The following B9D1 variants were observed in gnomAD, a reference collection of about 807,000 sequenced individuals.
B9D1 encodes the protein B9 domain containing 1, also known as B9 domain-containing protein 1.
A neutral mutation model predicts 26.1 loss-of-function variants in B9D1; 20 were observed. The ratio of observed to expected loss-of-function variants is 0.77; its 90% CI spans 0.54 to 1.12. The LOEUF (loss-of-function observed/expected upper bound fraction) is 1.12. B9D1 is among the 50% of genes most tolerant of loss of function. B9D1 has a pLI of 0.00. For missense variants in B9D1, 260 were observed against 273.7 expected, an observed-to-expected ratio of 0.95 and a Z score of 0.35; for synonymous variants, 105 against 103.1, an observed-to-expected ratio of 1.02 and a Z score of -0.11.
intron 1 of B9D1, among the ~76,000 whole-genome samples, chr17:19,374,434 T>A (rs940297743): frequency 6.6e-6 from 1 of 152,258 alleles, no homozygotes; most frequent in Non-Finnish European, 1.5e-5. Flanking sequence ...CATTCTCTCA[T>A]ACCACTGGTG....
chr17:19,363,277 T>C (rs1911368035), upstream of B9D1, among the ~76,000 whole-genome samples: 1 of 152,230 alleles, frequency 6.6e-6, no homozygotes, highest in Non-Finnish European at 1.5e-5. Context: ...GCCATCGCTC[T>C]TTAGTTCGAA....
At chr17:19,357,786 G>A in intron 3 of B9D1, 54 bp downstream of exon 3, 1 of 1,291,084 alleles carries the variant, frequency 7.7e-7, no homozygotes, top group South Asian at 1.2e-5. Flanking sequence ...GCTGTCTTGG[G>A]GGTGCTGTGT....
chr17:19,359,999 C>T lies in B9D1; in HGVS notation c.132+321G>A, dbSNP rs1171979124. Among the ~76,000 whole-genome samples the T allele has an allele frequency of 1.3e-5, 2 of 152,146 alleles. No individual in the cohort carries two copies. Among genetic ancestry groups the T allele is most frequent in the African/African-American group, 2.4e-5 (1 of 41,420 alleles). ...GGCTGAGGAGAGGCCAAATGGTGAGCGGACTGGCCAGAGTGTCCACAGCTC... is the reference window on the plus strand; with the variant it reads ...GGCTGAGGAGAGGCCAAATGGTGAGTGGACTGGCCAGAGTGTCCACAGCTC... On this transcript the variant is annotated intron_variant, in intron 2 of 6. Transcript: ENST00000261499. The surrounding 1 kb of genome is among the most constrained non-coding windows in gnomAD (Gnocchi z 5.0).
chr17:19,374,126 T>C (rs939642924), intron 1 of B9D1, among the ~76,000 whole-genome samples: 2 of 152,194 alleles, frequency 1.3e-5, no homozygotes, highest in African/African-American at 2.4e-5. Context: ...CTGAAACACA[T>C]GTCATCTCAG....
intron 5 of B9D1, among the ~76,000 whole-genome samples, chr17:19,345,253 G>A (rs1349241278): frequency 6.6e-6 from 1 of 152,000 alleles, no homozygotes; most frequent in Non-Finnish European, 1.5e-5. Context: ...GGCAGGGCCC[G>A]ACCACCGGCC....
intron 3 of B9D1, among the ~76,000 whole-genome samples, chr17:19,355,418 A>G (rs1181714747): frequency 1.1e-4 from 16 of 151,928 alleles, no homozygotes; most frequent in Admixed American, 1.1e-3. Context: ...AGTCCCAGCT[A>G]CTGGGGAGGC....
chr17:19,362,672 T>A lies in B9D1; in HGVS notation c.-103A>T. On this transcript the variant is annotated 5_prime_UTR_variant, in exon 1 of 7. Coordinates refer to ENST00000261499, the MANE Select transcript of B9D1 (RefSeq NM_015681.6). ...AGACGGCGTAGCGCGCAGGACACGT[T>A]TCTTGGCAGCGACACCTTCGCGAAG... 6.5e-7 allele frequency: 1 copy of A among 1,545,856 alleles called. No homozygotes were observed. Among genetic ancestry groups the A allele is most frequent in the Non-Finnish European group, 8.7e-7 (1 of 1,145,760 alleles).
Position 19,370,175 on chromosome 17 carries a change from G to A in B9D1, c.-298+7684C>T, listed in dbSNP as rs118050797. 0.023 allele frequency among the ~76,000 whole-genome samples: 3,455 copies of A among 152,356 alleles called. 52 individuals carry two copies. Among genetic ancestry groups the A allele is most frequent in the Non-Finnish European group, 0.033 (2,272 of 68,032 alleles). ...GCAGGGCCTTGCAAGCCTTGGTGAT[G>A]GATTTTATTCCATGAGATGGGGCAG... On this transcript the variant is annotated intron_variant, in intron 1 of 5. Coordinates refer to the B9D1 transcript ENST00000477478. The surrounding 1 kb of genome is among the most constrained non-coding windows in gnomAD (Gnocchi z 5.1).
chr17:19,375,790 T>TA (rs1386906480), intron 1 of B9D1, among the ~76,000 whole-genome samples: 1 of 152,152 alleles, frequency 6.6e-6, no homozygotes, highest in African/African-American at 2.4e-5. Context: ...TCGGAACTCT[T>TA]AAATATTGCT....
Position 19,343,934 on chromosome 17 carries a change from T to G in B9D1, c.405-77A>C, listed in dbSNP as rs1598047560. On this transcript the variant is annotated intron_variant, in intron 5 of 6. Transcript: ENST00000261499. Reference sequence around the variant, plus strand: ...GTCTTGGACGACACTGGATGTGGGCTCTCCTCGGTTCAGAAACCAGCACTC... The same window carrying G: ...GTCTTGGACGACACTGGATGTGGGCGCTCCTCGGTTCAGAAACCAGCACTC... 6 of 1,598,202 alleles carry G rather than the reference T, an allele frequency of 3.8e-6. No homozygotes were observed. In the East Asian group the frequency reaches 1.4e-4, roughly 36 times the overall value.
chr17:19,337,847 T>G, downstream of B9D1: 1 of 461,928 alleles, frequency 2.2e-6, no homozygotes, highest in Non-Finnish European at 4.2e-6. Flanking sequence ...AATTAGGCCC[T>G]CGGCCCCCAT....
chr17:19,367,660 C>T (rs947622320), upstream of B9D1, among the ~76,000 whole-genome samples: 1 of 152,220 alleles, frequency 6.6e-6, no homozygotes, highest in African/African-American at 2.4e-5. Context: ...TGTATATCAC[C>T]TTGTCTTTGC....
Position 19,373,396 on chromosome 17 carries a change from C to CT in B9D1, c.-298+4462dup, listed in dbSNP as rs548540542. ...CCCCTTTATATACCTCTTTTTTTTA[C>CT]TTTTTTTTTTTTTGAGACAGAGTCT... On this transcript the variant is annotated intron_variant, in intron 1 of 5. Transcript: ENST00000477478. Among the ~76,000 whole-genome samples the CT allele has an allele frequency of 1.2e-3, 174 of 145,092 alleles. 1 individual carries two copies. Among genetic ancestry groups the CT allele is most frequent in the East Asian group, 0.012 (60 of 5,010 alleles).
chr17:19,359,134 TGC>T lies in B9D1; in HGVS notation c.132+1184_133-1184del, dbSNP rs1397099329. On this transcript the variant is annotated intron_variant, in intron 2 of 6. Coordinates refer to ENST00000261499, the MANE Select transcript of B9D1 (RefSeq NM_015681.6). This position sits in a 1 kb window ranked among gnomAD's most constrained non-coding sequence, Gnocchi z 5.0. ...CCACTGCTGTCAGAGCCAACTGGGC[TGC>T]CTGCTCTTGCCCTTTCCCCCCGAGT... Among the ~76,000 whole-genome samples, 1 of 152,246 alleles carries T rather than the reference TGC, an allele frequency of 6.6e-6. No individual in the cohort carries two copies. Among genetic ancestry groups the T allele is most frequent in the African/African-American group, 2.4e-5 (1 of 41,464 alleles).
chr17:19,340,088 A>G (rs575741698), downstream of B9D1, among the ~76,000 whole-genome samples: 36 of 138,202 alleles, frequency 2.6e-4, no homozygotes, highest in African/African-American at 9.8e-4. Context: ...CTTAAATCTC[A>G]CTGCATCATC....
chr17:19,337,988 T>C (rs1478325895), downstream of B9D1, among the ~76,000 whole-genome samples: 2 of 152,180 alleles, frequency 1.3e-5, no homozygotes, highest in Admixed American at 6.5e-5. Flanking sequence ...CAGAGAGTTA[T>C]TTCAGTCTTC....
downstream of B9D1, among the ~76,000 whole-genome samples, chr17:19,340,020 T>A (rs1598038529): frequency 9.8e-6 from 1 of 101,988 alleles, no homozygotes; most frequent in Non-Finnish European, 1.9e-5. Flanking sequence ...ATGGAGGGGG[T>A]CCCACATGCC....
downstream of B9D1, chr17:19,337,870 T>TGG: frequency 5.6e-6 from 1 of 178,392 alleles, no homozygotes; most frequent in Non-Finnish European, 1.3e-5. Context: ...AGATGTGGGG[T>TGG]GGGTGGGGAT....
chr17:19,348,821 A>G (rs1203898475), intron 3 of B9D1, among the ~76,000 whole-genome samples: 2 of 152,216 alleles, frequency 1.3e-5, no homozygotes, highest in Non-Finnish European at 2.9e-5. Flanking sequence ...TATGTCCATT[A>G]GATTTTCTCA....
Sources: allele counts gnomAD v4.1 joint callset (sites outside exome capture counted in the v4.1 genomes callset), GRCh38; gene constraint gnomAD v4.1.1; non-coding constraint Gnocchi (gnomAD v3.1); transcripts MANE v1.5; gene names NCBI Gene and HGNC (gene_info 2026-07-23, HGNC 2026-07-21).